CCSER1: variants seen among roughly 807,000 people sequenced by gnomAD.
CCSER1 encodes serine-rich coiled-coil domain-containing protein 1.
A neutral mutation model predicts 82.0 loss-of-function variants in CCSER1; 41 were observed. The observed-to-expected ratio is 0.50, with a 90% CI of 0.39 to 0.65. The LOEUF is 0.65. Ranked by LOEUF, CCSER1 falls within the 30% of genes least tolerant of loss-of-function variation. CCSER1 has a pLI of 0.00. For synonymous variants in CCSER1, 414 were observed against 383.9 expected, an observed-to-expected ratio of 1.08 and a Z score of -0.92; for missense variants, 1,119 against 1,064.2, an observed-to-expected ratio of 1.05 and a Z score of -0.72.
chr4:90,471,314 A>C (rs1178475748), intron 5 of CCSER1, among the ~76,000 whole-genome samples: 1 of 151,438 alleles, frequency 6.6e-6, no homozygotes, highest in Non-Finnish European at 1.5e-5. Flanking sequence ...TTGCACCTAT[A>C]CTCCCAGATA....
intron 10 of CCSER1, among the ~76,000 whole-genome samples, chr4:91,333,283 G>T (rs1046021773): frequency 2.0e-4 from 30 of 151,974 alleles, no homozygotes; most frequent in African/African-American, 7.0e-4. Context: ...GTTTATCATA[G>T]AATTCTTCAA....
chr4:91,168,996 G>A (rs973202413), intron 10 of CCSER1, among the ~76,000 whole-genome samples: 2 of 151,908 alleles, frequency 1.3e-5, no homozygotes, highest in Non-Finnish European at 1.5e-5. Context: ...ATGCTTGAAG[G>A]CAGCATGCTC....
chr4:91,209,932 C>A (rs1291228777), intron 10 of CCSER1, among the ~76,000 whole-genome samples: 2 of 151,860 alleles, frequency 1.3e-5, no homozygotes, highest in East Asian at 3.9e-4. Flanking sequence ...TGCCTCAGTG[C>A]AATGAGCATA....
chr4:90,885,328 T>C (rs1436256682), intron 8 of CCSER1, among the ~76,000 whole-genome samples: 1 of 152,198 alleles, frequency 6.6e-6, no homozygotes, highest in African/African-American at 2.4e-5. Context: ...TGTATGATTT[T>C]GTATTTCTGA....
At chr4:90,267,921 T>G (rs940682629) in intron 1 of CCSER1, among the ~76,000 whole-genome samples, 3 of 152,066 alleles carry the variant, frequency 2.0e-5, no homozygotes, top group African/African-American at 7.2e-5. Flanking sequence ...ACAAATAACC[T>G]ACAATGGAGT....
intron 1 of CCSER1, among the ~76,000 whole-genome samples, chr4:90,267,112 G>C (rs1725374633): frequency 6.6e-6 from 1 of 152,040 alleles, no homozygotes; most frequent in Non-Finnish European, 1.5e-5. Context: ...GGAGCCCAGT[G>C]TTAGAAAGGG....
chr4:91,597,833 T>G (rs1272026100), intron 10 of CCSER1, among the ~76,000 whole-genome samples: 1 of 152,144 alleles, frequency 6.6e-6, no homozygotes, highest in Non-Finnish European at 1.5e-5. Flanking sequence ...TACACAAACA[T>G]AGTGCTCTCT....
At chr4:91,149,803 A>G (rs1033557485) in intron 10 of CCSER1, among the ~76,000 whole-genome samples, 9 of 152,008 alleles carry the variant, frequency 5.9e-5, no homozygotes, top group Non-Finnish European at 1.0e-4. Context: ...GTGTGATATG[A>G]TTTCTGAGGG....
chr4:91,397,750 A>G (rs1328928515), intron 10 of CCSER1, among the ~76,000 whole-genome samples: 1 of 152,056 alleles, frequency 6.6e-6, no homozygotes, highest in Non-Finnish European at 1.5e-5. Context: ...AAATTCTTAA[A>G]GGAAATTAAA....
intron 10 of CCSER1, among the ~76,000 whole-genome samples, chr4:91,468,053 A>G (rs190845759): frequency 0.01 from 1,556 of 152,236 alleles, 11 homozygotes; most frequent in Middle Eastern, 0.02. Context: ...ACATACACAC[A>G]TATGTTTATT....
chr4:90,885,645 G>C (rs996215331), intron 8 of CCSER1, among the ~76,000 whole-genome samples: 2 of 152,048 alleles, frequency 1.3e-5, no homozygotes, highest in African/African-American at 4.8e-5. Context: ...ATGGAGTTGA[G>C]GAAAAGATGA....
intron 6 of CCSER1, among the ~76,000 whole-genome samples, chr4:90,699,846 G>A (rs1259410859): frequency 6.6e-6 from 1 of 151,960 alleles, no homozygotes; most frequent in Non-Finnish European, 1.5e-5. Context: ...AATTAGATTA[G>A]TGCCCTTATA....
chr4:90,153,959 C>A (rs369355799), intron 1 of CCSER1, among the ~76,000 whole-genome samples: 37 of 152,224 alleles, frequency 2.4e-4, no homozygotes, highest in Admixed American at 1.1e-3. Context: ...GCCCATGCCT[C>A]TGTCCTGAAT....
intron 10 of CCSER1, among the ~76,000 whole-genome samples, chr4:91,546,429 T>G (rs1385404278): frequency 1.3e-5 from 2 of 152,140 alleles, no homozygotes; most frequent in Non-Finnish European, 2.9e-5. Context: ...CTTTAATAGA[T>G]TTATGCCTTT....
At chr4:90,159,209 T>C (rs1728954641) in intron 1 of CCSER1, among the ~76,000 whole-genome samples, 1 of 152,026 alleles carries the variant, frequency 6.6e-6, no homozygotes, top group African/African-American at 2.4e-5. Flanking sequence ...AATTTTATTA[T>C]TATTATTATT....
intron 3 of CCSER1, among the ~76,000 whole-genome samples, chr4:90,324,535 A>C (rs1218690255): frequency 2.0e-5 from 3 of 149,578 alleles, no homozygotes; most frequent in Non-Finnish European, 4.4e-5. Context: ...TTTTCTTGTA[A>C]ATTTGTTTGA....
intron 8 of CCSER1, among the ~76,000 whole-genome samples, chr4:90,852,629 A>C (rs918240936): frequency 1.3e-5 from 2 of 152,190 alleles, no homozygotes; most frequent in Non-Finnish European, 2.9e-5. Context: ...TTTACTGACA[A>C]AGCTTAACAT....
At chr4:91,155,064 TA>T (rs921565820) in intron 10 of CCSER1, among the ~76,000 whole-genome samples, 60 of 151,940 alleles carry the variant, frequency 3.9e-4, no homozygotes, top group African/African-American at 1.4e-3. Context: ...CCTAGAGGCT[TA>T]AAAGAATATC....
chr4:90,309,361 T>C lies in CCSER1; in HGVS notation c.1077T>C (p.Ser359=), dbSNP rs1734887491. 6.2e-7 allele frequency: 1 copy of C among 1,613,796 alleles called. No homozygotes were observed. The highest frequency in any genetic ancestry group is 2.2e-5 in the East Asian group (1 of 44,872). The change falls in exon 2 of 11, where the codon AGT becomes AGC. Residue 359 remains serine, a synonymous_variant. Transcript: ENST00000509176. The part of the protein sequence containing the change: ...LLQIAELPAT[S]VSHSESNLPA... Reference sequence around the variant, plus strand: ...AAATTGCTGAACTACCTGCTACAAGTGTGAGCCACTCAGAGAGTAACCTAC... The same window carrying C: ...AAATTGCTGAACTACCTGCTACAAGCGTGAGCCACTCAGAGAGTAACCTAC...
Sources: allele counts gnomAD v4.1 joint callset (sites outside exome capture counted in the v4.1 genomes callset), GRCh38; gene constraint gnomAD v4.1.1; transcripts MANE v1.5; gene names NCBI Gene and HGNC (gene_info 2026-07-23, HGNC 2026-07-21).